Variants in MAP7 observed in about 807,000 individuals in gnomAD.
MAP7 encodes the protein microtubule associated protein 7.
In MAP7, 52 loss-of-function variants were observed where a neutral mutation model predicts 94.8. The observed-to-expected ratio is 0.55, with a 90% CI of 0.44 to 0.69. The LOEUF is 0.69. Among genes scored for constraint, MAP7 ranks in the 30% least tolerant of loss-of-function variants. MAP7 has a pLI of 0.00. For synonymous variants in MAP7, 350 were observed against 357.0 expected, an observed-to-expected ratio of 0.98 and a Z score of 0.22; for missense variants, 940 against 964.6, an observed-to-expected ratio of 0.97 and a Z score of 0.34.
At chr6:136,463,359 A>G (rs1562430385) in intron 1 of MAP7, among the ~76,000 whole-genome samples, 1 of 152,234 alleles carries the variant, frequency 6.6e-6, no homozygotes, top group Non-Finnish European at 1.5e-5. Flanking sequence ...ACCCTATAGA[A>G]ATGGAAACTG....
At chr6:136,453,935 G>C (rs1438046119) in intron 1 of MAP7, among the ~76,000 whole-genome samples, 2 of 152,168 alleles carry the variant, frequency 1.3e-5, no homozygotes, top group Non-Finnish European at 2.9e-5. Flanking sequence ...TGTTCATCAA[G>C]AGAAATTAGT....
intron 1 of MAP7, among the ~76,000 whole-genome samples, chr6:136,518,262 G>GAAATAGAGATAAAATT (rs1825430737): frequency 6.6e-6 from 1 of 152,104 alleles, no homozygotes; most frequent in Non-Finnish European, 1.5e-5. Flanking sequence ...ATTTTTCTGG[G>GAAATAGAGATAAAATT]TCTATACTCC....
intron 1 of MAP7, among the ~76,000 whole-genome samples, chr6:136,428,267 G>A (rs1419132391): frequency 6.6e-6 from 1 of 152,168 alleles, no homozygotes; most frequent in Admixed American, 6.5e-5. Flanking sequence ...TGCAATCCCA[G>A]CACTTTGGGA....
chr6:136,403,573 G>C (rs1784765016), intron 3 of MAP7, among the ~76,000 whole-genome samples: 2 of 152,218 alleles, frequency 1.3e-5, no homozygotes, highest in South Asian at 4.1e-4. Flanking sequence ...GCAAGAAAGA[G>C]CTGGGCATCC....
intron 1 of MAP7, among the ~76,000 whole-genome samples, chr6:136,517,962 G>A (rs566851152): frequency 6.6e-6 from 1 of 152,244 alleles, no homozygotes; most frequent in South Asian, 2.1e-4. Context: ...CATTATTTGG[G>A]AAGTTTTTAA....
intron 1 of MAP7, among the ~76,000 whole-genome samples, chr6:136,533,674 C>T (rs1007388831): frequency 1.3e-5 from 2 of 152,048 alleles, no homozygotes; most frequent in Admixed American, 6.5e-5. Flanking sequence ...GGGCTCAGGA[C>T]GTTTACAGAA....
chr6:136,525,693 C>G, intron 1 of MAP7: 1 of 846,842 alleles, frequency 1.2e-6, no homozygotes, highest in Non-Finnish European at 1.7e-6. Flanking sequence ...GGTATAAACA[C>G]TACCAGCAAA....
intron 3 of MAP7, among the ~76,000 whole-genome samples, chr6:136,394,787 T>C (rs1781837619): frequency 6.6e-6 from 1 of 151,182 alleles, no homozygotes; most frequent in South Asian, 2.1e-4. Flanking sequence ...AGATCACTTT[T>C]CTTTAGTTCC....
At chr6:136,504,691 A>C (rs1408063145) in intron 1 of MAP7, among the ~76,000 whole-genome samples, 4 of 151,116 alleles carry the variant, frequency 2.6e-5, no homozygotes, top group Non-Finnish European at 5.9e-5. Flanking sequence ...ACCTTTAAAA[A>C]AATTTTTTAG....
intron 1 of MAP7, among the ~76,000 whole-genome samples, chr6:136,496,311 A>G (rs1207949890): frequency 5.3e-5 from 8 of 152,248 alleles, no homozygotes; most frequent in African/African-American, 7.2e-5. Flanking sequence ...AGGACAGACA[A>G]TTAAGCATCC....
chr6:136,479,009 GA>G (rs903195921), intron 1 of MAP7, among the ~76,000 whole-genome samples: 1 of 113,566 alleles, frequency 8.8e-6, no homozygotes, highest in African/African-American at 3.3e-5. Flanking sequence ...AGAAAGAAAA[GA>G]AAAAGAAGGA....
chr6:136,453,305 G>A (rs536274408), intron 1 of MAP7, among the ~76,000 whole-genome samples: 4 of 152,234 alleles, frequency 2.6e-5, no homozygotes, highest in Non-Finnish European at 2.9e-5. Context: ...TAAAACCTGT[G>A]TACAACATTC....
chr6:136,389,240 C>A (rs1399549375), intron 4 of MAP7, 114 bp downstream of exon 4: 2 of 1,437,264 alleles, frequency 1.4e-6, no homozygotes, highest in Non-Finnish European at 9.1e-7. Flanking sequence ...TAAAGCTGAT[C>A]ACTCTGAAAC....
At chr6:136,350,563 A>G (rs1788877980) in intron 16 of MAP7, among the ~76,000 whole-genome samples, 1 of 152,234 alleles carries the variant, frequency 6.6e-6, no homozygotes, top group African/African-American at 2.4e-5. Flanking sequence ...AGACAAGAAT[A>G]GGCTGGGCGT....
chr6:136,384,331 A>T (rs1778589226), intron 5 of MAP7, among the ~76,000 whole-genome samples: 1 of 152,128 alleles, frequency 6.6e-6, no homozygotes, highest in Admixed American at 6.5e-5. Context: ...AGTAAAAGAA[A>T]CATTCTAAGT....
chr6:136,470,552 G>A (rs1808627591), intron 1 of MAP7, among the ~76,000 whole-genome samples: 1 of 152,058 alleles, frequency 6.6e-6, no homozygotes, highest in Non-Finnish European at 1.5e-5. Context: ...TTACCATGCT[G>A]CACATTAGGT....
intron 1 of MAP7, among the ~76,000 whole-genome samples, chr6:136,464,237 C>A (rs1431643144): frequency 6.6e-6 from 1 of 152,166 alleles, no homozygotes; most frequent in Non-Finnish European, 1.5e-5. Context: ...TGCATGCTGA[C>A]TTTCTTTTCT....
chr6:136,489,660 T>C (rs1191086532), intron 1 of MAP7, among the ~76,000 whole-genome samples: 1 of 151,710 alleles, frequency 6.6e-6, no homozygotes, highest in African/African-American at 2.4e-5. Context: ...CCTGAGTAGC[T>C]GGGACTACAG....
intron 2 of MAP7, among the ~76,000 whole-genome samples, chr6:136,415,001 G>C (rs1376919417): frequency 6.6e-6 from 1 of 152,044 alleles, no homozygotes; most frequent in South Asian, 2.1e-4. Flanking sequence ...AGTACAGACA[G>C]GGTTTCACCA....
Sources: allele counts gnomAD v4.1 joint callset (sites outside exome capture counted in the v4.1 genomes callset), GRCh38; gene constraint gnomAD v4.1.1; transcripts MANE v1.5; gene names NCBI Gene and HGNC (gene_info 2026-07-23, HGNC 2026-07-21).